Variants in CSNK1G1 observed in about 807,000 individuals in gnomAD.
CSNK1G1 encodes the protein casein kinase I isoform gamma-1.
In CSNK1G1, 22 loss-of-function variants were observed where a neutral mutation model predicts 59.6. The observed-to-expected ratio is 0.37, with a 90% CI of 0.26 to 0.53. The LOEUF is 0.53. Ranked by LOEUF, CSNK1G1 falls within the 20% of genes least tolerant of loss-of-function variation. CSNK1G1 has a pLI of 0.89. For synonymous variants in CSNK1G1, 179 were observed against 177.1 expected (o/e 1.01, Z -0.08); for missense variants, 384 against 519.5 (o/e 0.74, Z 2.54).
chr15:64,246,590 T>C (rs563042788), intron 4 of CSNK1G1, among the ~76,000 whole-genome samples: 42 of 125,116 alleles, frequency 3.4e-4, no homozygotes, highest in African/African-American at 1.2e-3. Flanking sequence ...ACCACTACAC[T>C]CTAGCCTCAG....
At chr15:64,187,256 A>C (rs1239862880) in intron 10 of CSNK1G1, among the ~76,000 whole-genome samples, 1 of 151,546 alleles carries the variant, frequency 6.6e-6, no homozygotes, top group Non-Finnish European at 1.5e-5. Flanking sequence ...CAGTGGCATG[A>C]TCTCGGCTCA....
chr15:64,190,827 A>G (rs1291947487), intron 10 of CSNK1G1, among the ~76,000 whole-genome samples: 1 of 152,258 alleles, frequency 6.6e-6, no homozygotes, highest in Non-Finnish European at 1.5e-5. Flanking sequence ...AGTAATATCT[A>G]TAACTAAACC....
intron 2 of CSNK1G1, among the ~76,000 whole-genome samples, chr15:64,280,128 T>C (rs1378927447): frequency 1.3e-5 from 2 of 152,152 alleles, no homozygotes; most frequent in Non-Finnish European, 2.9e-5. Context: ...AGGACGATAC[T>C]GTTAATTAAA....
chr15:64,281,669 C>T (rs1243736618), intron 2 of CSNK1G1, among the ~76,000 whole-genome samples: 1 of 151,954 alleles, frequency 6.6e-6, no homozygotes, highest in African/African-American at 2.4e-5. Context: ...AAAACCCCAT[C>T]TCTATTTAAA....
intron 10 of CSNK1G1, chr15:64,181,041 A>G (rs1314033038): frequency 5.2e-6 from 5 of 970,496 alleles, no homozygotes; most frequent in Non-Finnish European, 7.2e-6. Flanking sequence ...GGGTACCAGA[A>G]ACTATAAATA....
chr15:64,231,185 A>T (rs550269321), intron 4 of CSNK1G1, among the ~76,000 whole-genome samples: 1 of 148,248 alleles, frequency 6.7e-6, no homozygotes, highest in Admixed American at 6.6e-5. Context: ...AAATTAGTTG[A>T]GCGTGTGATG....
chr15:64,311,052 T>C (rs775346101), intron 1 of CSNK1G1, among the ~76,000 whole-genome samples: 10 of 151,920 alleles, frequency 6.6e-5, no homozygotes, highest in Non-Finnish European at 1.2e-4. Flanking sequence ...ATATGCATTT[T>C]ATTTTATTTA....
At chr15:64,191,925 A>G (rs556176302) in intron 10 of CSNK1G1, among the ~76,000 whole-genome samples, 5 of 152,342 alleles carry the variant, frequency 3.3e-5, no homozygotes, top group South Asian at 2.1e-4. Context: ...TTGGACCGGT[A>G]TCTAGAGGAT....
intron 1 of CSNK1G1, among the ~76,000 whole-genome samples, chr15:64,316,003 A>C (rs1896241947): frequency 1.3e-5 from 2 of 152,174 alleles, no homozygotes. Context: ...TATTTAAAGC[A>C]CACATTTGGG....
chr15:64,269,554 T>C (rs1049279292), intron 2 of CSNK1G1, among the ~76,000 whole-genome samples: 1 of 148,406 alleles, frequency 6.7e-6, no homozygotes, highest in Middle Eastern at 3.6e-3. Context: ...AGTGCAGTGG[T>C]GCGATCTCAG....
At chr15:64,263,508 A>G (rs1399705478) in intron 2 of CSNK1G1, among the ~76,000 whole-genome samples, 8 of 151,786 alleles carry the variant, frequency 5.3e-5, no homozygotes, top group Non-Finnish European at 8.8e-5. Context: ...CCTTTTCCTT[A>G]TTTTTCCTGC....
At chr15:64,345,644 T>C (rs1265458758) in intron 1 of CSNK1G1, among the ~76,000 whole-genome samples, 1 of 152,164 alleles carries the variant, frequency 6.6e-6, no homozygotes, top group Admixed American at 6.5e-5. Flanking sequence ...AAATCAATCT[T>C]CTTGAAAGGG....
At chr15:64,203,902 G>A (rs2082142644) in intron 9 of CSNK1G1, among the ~76,000 whole-genome samples, 1 of 151,884 alleles carries the variant, frequency 6.6e-6, no homozygotes, top group South Asian at 2.1e-4. Flanking sequence ...CAGCACTTTC[G>A]GAGGCCAAGG....
At chr15:64,202,772 T>C (rs1283134855) in intron 10 of CSNK1G1, among the ~76,000 whole-genome samples, 1 of 152,152 alleles carries the variant, frequency 6.6e-6, no homozygotes, top group Non-Finnish European at 1.5e-5. Context: ...CAGGCTGGTC[T>C]TGAACTCCTG....
At chr15:64,262,556 C>G (rs1892751567) in intron 2 of CSNK1G1, among the ~76,000 whole-genome samples, 1 of 152,182 alleles carries the variant, frequency 6.6e-6, no homozygotes, top group Non-Finnish European at 1.5e-5. Context: ...TAAACATCCA[C>G]TAAGCTAAGG....
chr15:64,238,169 GC>G (rs2082640546), intron 4 of CSNK1G1, among the ~76,000 whole-genome samples: 1 of 151,964 alleles, frequency 6.6e-6, no homozygotes, highest in Admixed American at 6.6e-5. Context: ...CCAGTTAAAA[GC>G]TTTTATGACT....
intron 1 of CSNK1G1, among the ~76,000 whole-genome samples, chr15:64,333,102 C>T (rs1212931269): frequency 1.3e-5 from 2 of 150,892 alleles, no homozygotes; most frequent in Non-Finnish European, 3.0e-5. Flanking sequence ...ACTAAAAATA[C>T]AAAACTTAGC....
At chr15:64,238,518 A>AAAAATATAT (rs1555396879) in intron 4 of CSNK1G1, among the ~76,000 whole-genome samples, 1 of 49,246 alleles carries the variant, frequency 2.0e-5, no homozygotes, top group African/African-American at 1.2e-4. Context: ...AAAAAAAAAA[A>AAAAATATAT]ATATATATAT....
intron 3 of CSNK1G1, among the ~76,000 whole-genome samples, chr15:64,257,791 T>C (rs949862259): frequency 3.3e-5 from 5 of 152,190 alleles, no homozygotes; most frequent in African/African-American, 1.2e-4. Context: ...CCTAAAGTGC[T>C]TGAATTACAG....
Sources: allele counts gnomAD v4.1 joint callset (sites outside exome capture counted in the v4.1 genomes callset), GRCh38; gene constraint gnomAD v4.1.1; transcripts MANE v1.5; gene names NCBI Gene and HGNC (gene_info 2026-07-23, HGNC 2026-07-21).